The following RALYL variants were observed in gnomAD, a reference collection of about 807,000 sequenced individuals.
The protein encoded by RALYL is RNA-binding Raly-like protein.
A neutral mutation model predicts 35.1 loss-of-function variants in RALYL; 29 were observed. That is an observed-to-expected ratio of 0.83 (90% CI 0.61 to 1.13). The LOEUF (loss-of-function observed/expected upper bound fraction) is 1.13, where lower values mean the gene tolerates loss of function less well. Among genes scored for constraint, RALYL ranks in the 50% most tolerant of loss-of-function variants. RALYL has a pLI of 0.00. For missense variants in RALYL, 359 were observed against 360.4 expected (o/e 1.00, Z 0.03); for synonymous variants, 120 against 127.6 (o/e 0.94, Z 0.40).
intron 2 of RALYL, among the ~76,000 whole-genome samples, chr8:84,617,551 G>A (rs1369436175): frequency 6.7e-6 from 1 of 150,150 alleles, no homozygotes; most frequent in Non-Finnish European, 1.5e-5. Context: ...GGGACAATTT[G>A]ACTTCCTCTT....
At chr8:84,631,221 T>C (rs1467156638) in intron 2 of RALYL, among the ~76,000 whole-genome samples, 1 of 152,034 alleles carries the variant, frequency 6.6e-6, no homozygotes, top group Non-Finnish European at 1.5e-5. Flanking sequence ...GAAATCCCTC[T>C]TATTGTCCAA....
At chr8:84,229,121 T>C (rs1193707445) in intron 1 of RALYL, among the ~76,000 whole-genome samples, 14 of 152,220 alleles carry the variant, frequency 9.2e-5, no homozygotes, top group Admixed American at 9.2e-4. Context: ...CGTGCATACA[T>C]ACCTAAATGC....
intron 4 of RALYL, among the ~76,000 whole-genome samples, chr8:84,832,107 A>G (rs1038707029): frequency 1.3e-5 from 2 of 152,118 alleles, no homozygotes; most frequent in Admixed American, 1.3e-4. Flanking sequence ...TAATTTGAAT[A>G]CGTTTACTGT....
At chr8:84,249,889 A>C (rs1224934965) in intron 1 of RALYL, among the ~76,000 whole-genome samples, 1 of 148,332 alleles carries the variant, frequency 6.7e-6, no homozygotes. Context: ...TTTTTTTCCT[A>C]TATGCACATA....
At chr8:84,798,329 T>TA (rs11337488) in intron 3 of RALYL, among the ~76,000 whole-genome samples, 12 of 150,406 alleles carry the variant, frequency 8.0e-5, no homozygotes, top group African/African-American at 2.0e-4. Flanking sequence ...ACTCAGAGAT[T>TA]AAAAAAAAAA....
At chr8:84,217,112 A>C (rs190086178) in intron 1 of RALYL, among the ~76,000 whole-genome samples, 114 of 152,244 alleles carry the variant, frequency 7.5e-4, no homozygotes, top group South Asian at 1.5e-3. Flanking sequence ...AGCTTGTGCA[A>C]ACTTTCTGTA....
At chr8:84,869,983 C>T (rs1839903663) in intron 6 of RALYL, among the ~76,000 whole-genome samples, 1 of 152,046 alleles carries the variant, frequency 6.6e-6, no homozygotes. Context: ...ATAGAGAGAG[C>T]AGATCTGAAA....
chr8:84,435,388 CA>C (rs2047602179), intron 1 of RALYL, among the ~76,000 whole-genome samples: 1 of 151,992 alleles, frequency 6.6e-6, no homozygotes, highest in African/African-American at 2.4e-5. Flanking sequence ...AATTTTTTCT[CA>C]AAGCACAAAT....
intron 1 of RALYL, among the ~76,000 whole-genome samples, chr8:84,264,872 A>T (rs17710440): frequency 0.024 from 3,631 of 152,316 alleles, 64 homozygotes; most frequent in Non-Finnish European, 0.035. Context: ...GAATTGATTT[A>T]CATGATGTAG....
intron 1 of RALYL, among the ~76,000 whole-genome samples, chr8:84,427,344 G>A (rs960446560): frequency 6.6e-6 from 1 of 152,134 alleles, no homozygotes; most frequent in Non-Finnish European, 1.5e-5. Context: ...ACTGATAATA[G>A]CAGGCCTTTC....
intron 2 of RALYL, chr8:84,679,769 T>C: frequency 1.9e-6 from 1 of 519,310 alleles, no homozygotes; most frequent in South Asian, 1.4e-5. Flanking sequence ...GATTCAGCAC[T>C]GATGAAGCCA....
At position 84,827,628 on chromosome 8, in the gene RALYL, C is replaced by T. The variant is rs1829997542; in HGVS notation, c.366-22352C>T. On this transcript the variant is annotated intron_variant, in intron 4 of 8. Transcript: ENST00000521268. ...ACCAGAATAACAGTGCCATTATAAC[C>T]ACATTAAAAAGAAAAGCTTCCATCA... Among the ~76,000 whole-genome samples the T allele has an allele frequency of 1.3e-5, 2 of 151,900 alleles. 1 individual carries two copies. Among genetic ancestry groups the T allele is most frequent in the Admixed American group, 1.3e-4 (2 of 15,256 alleles).
chr8:84,908,381 C>T (rs756427616), intron 8 of RALYL, among the ~76,000 whole-genome samples: 36 of 152,200 alleles, frequency 2.4e-4, no homozygotes, highest in Middle Eastern at 6.8e-3. Context: ...CCCTGTTTCT[C>T]GTAACCACCA....
chr8:84,501,474 T>A (rs2056651211), intron 1 of RALYL, among the ~76,000 whole-genome samples: 1 of 152,034 alleles, frequency 6.6e-6, no homozygotes, highest in African/African-American at 2.4e-5. Context: ...AATATTCCAA[T>A]AAAAATCACC....
intron 1 of RALYL, among the ~76,000 whole-genome samples, chr8:84,257,161 CG>C (rs1240186269): frequency 6.6e-5 from 10 of 151,310 alleles, no homozygotes; most frequent in Non-Finnish European, 1.5e-4. Context: ...TTGGAGAATT[CG>C]AGATTTTTTT....
intron 1 of RALYL, among the ~76,000 whole-genome samples, chr8:84,267,950 A>G (rs953782559): frequency 6.6e-6 from 1 of 152,182 alleles, no homozygotes; most frequent in Non-Finnish European, 1.5e-5. Context: ...CTACCCTATC[A>G]TTTGTTTTAT....
intron 1 of RALYL, among the ~76,000 whole-genome samples, chr8:84,524,864 T>C (rs1195919939): frequency 1.3e-5 from 2 of 151,880 alleles, no homozygotes; most frequent in Middle Eastern, 3.2e-3. Flanking sequence ...GAAATACAGC[T>C]ACACTATTGT....
chr8:84,541,082 G>T lies in RALYL; in HGVS notation c.256+11505G>T, dbSNP rs72679359. On this transcript the variant is annotated intron_variant, in intron 2 of 8. Transcript: ENST00000521268. ...TTATGGCTTTGTGTATTTTCTCTATGGCATGTTTGTTTTTGCTTCATTACT... is the reference window on the plus strand; with the variant it reads ...TTATGGCTTTGTGTATTTTCTCTATTGCATGTTTGTTTTTGCTTCATTACT... 5.1e-3 allele frequency among the ~76,000 whole-genome samples: 773 copies of T among 150,404 alleles called. 2 individuals are homozygous for T. The highest frequency in any genetic ancestry group is 0.014 in the Middle Eastern group (4 of 290).
At chr8:84,534,501 C>A (rs547616612) in intron 2 of RALYL, among the ~76,000 whole-genome samples, 1 of 152,010 alleles carries the variant, frequency 6.6e-6, no homozygotes, top group African/African-American at 2.4e-5. Context: ...TTTTAGGGCA[C>A]GGAATATATA....
Sources: gnomAD v4.1 joint callset for allele counts (sites outside exome capture counted in the v4.1 genomes callset) on GRCh38, gnomAD v4.1.1 for gene constraint, MANE v1.5 for transcripts, NCBI Gene and HGNC (gene_info 2026-07-23, HGNC 2026-07-21) for gene names.